Variants in SCN8A observed in about 807,000 individuals in gnomAD.
SCN8A encodes sodium voltage-gated channel alpha subunit 8, also known as sodium channel protein type 8 subunit alpha.
In SCN8A, 30 loss-of-function variants were observed where a neutral mutation model predicts 184.1. The observed-to-expected ratio is 0.16, with a 90% CI of 0.12 to 0.22. The LOEUF (loss-of-function observed/expected upper bound fraction) is 0.22. Ranked by LOEUF, SCN8A falls within the 10% of genes least tolerant of loss-of-function variation. The pLI, the probability that SCN8A is intolerant of heterozygous loss-of-function variation, is 1.00. For synonymous variants in SCN8A, 852 were observed against 907.0 expected, an observed-to-expected ratio of 0.94 and a Z score of 1.09; for missense variants, 1,057 against 2,498.9, an observed-to-expected ratio of 0.42 and a Z score of 12.30.
chr12:51,702,321 CAAAAA>C (rs747855764), intron 8 of SCN8A, among the ~76,000 whole-genome samples: 6 of 76,578 alleles, frequency 7.8e-5, no homozygotes, highest in South Asian at 4.6e-4. Context: ...GACTCTGTAT[CAAAAA>C]AAAAAAAAAA....
At chr12:51,702,693 A>G in intron 8 of SCN8A, 80 bp from the exon 9 acceptor site, 1 of 1,105,038 alleles carries the variant, frequency 9.0e-7, no homozygotes, top group Non-Finnish European at 1.2e-6. Flanking sequence ...AGTAAATAGA[A>G]TTATGTTATT....
intron 26 of SCN8A, among the ~76,000 whole-genome samples, chr12:51,795,219 T>A (rs1938375529): frequency 6.6e-6 from 1 of 152,162 alleles, no homozygotes. Flanking sequence ...CCACAGCCAC[T>A]CGCTAGGAGG....
chr12:51,637,993 A>G (rs1334755645), intron 1 of SCN8A, among the ~76,000 whole-genome samples: 1 of 152,164 alleles, frequency 6.6e-6, no homozygotes, highest in Non-Finnish European at 1.5e-5. Context: ...GCGCTTATTT[A>G]CCATTCTGAA....
At chr12:51,688,965 G>T (rs1444233513) in intron 5 of SCN8A, 40 bp from the exon 6 acceptor site, 2 of 1,590,272 alleles carry the variant, frequency 1.3e-6, no homozygotes. Context: ...TTGTGTCTGT[G>T]TTTGTCACTT....
At chr12:51,633,825 A>C (rs1940253915) in intron 1 of SCN8A, among the ~76,000 whole-genome samples, 1 of 152,196 alleles carries the variant, frequency 6.6e-6, no homozygotes, top group Non-Finnish European at 1.5e-5. Flanking sequence ...TTTGGTGAAA[A>C]TATCTCTGTA....
At chr12:51,707,818 T>G (rs1201740774) in intron 11 of SCN8A, among the ~76,000 whole-genome samples, 1 of 152,230 alleles carries the variant, frequency 6.6e-6, no homozygotes. Context: ...TTGCATTGGC[T>G]CAATAAGCCT....
At chr12:51,662,621 A>G in intron 1 of SCN8A, 143 bp from the exon 2 acceptor site, 1 of 599,586 alleles carries the variant, frequency 1.7e-6, no homozygotes, top group Non-Finnish European at 2.9e-6. Context: ...GATTTCCTGA[A>G]AAGAAAAATA....
chr12:51,657,182 AT>A (rs1940837828), intron 1 of SCN8A, among the ~76,000 whole-genome samples: 1 of 152,016 alleles, frequency 6.6e-6, no homozygotes, highest in Non-Finnish European at 1.5e-5. Context: ...TTTTATTGTT[AT>A]TTTTAATTGG....
intron 1 of SCN8A, among the ~76,000 whole-genome samples, chr12:51,646,406 AACTTG>A (rs1336922245): frequency 2.0e-5 from 3 of 152,254 alleles, no homozygotes. Context: ...ATTCTAGTAA[AACTTG>A]ACTTACAGTG....
intron 6 of SCN8A, 147 bp from the exon 7 acceptor site, chr12:51,699,423 T>G: frequency 1.8e-6 from 1 of 546,148 alleles, no homozygotes. Flanking sequence ...TGCTGACCTA[T>G]TATTATTCTC....
chr12:51,646,317 C>T (rs546869829), intron 1 of SCN8A, among the ~76,000 whole-genome samples: 1 of 152,286 alleles, frequency 6.6e-6, no homozygotes, highest in East Asian at 1.9e-4. Context: ...TTGTGGGCCA[C>T]ACAGCCTTTT....
intron 5 of SCN8A, among the ~76,000 whole-genome samples, chr12:51,688,076 T>TA (rs1941448991): frequency 6.6e-6 from 1 of 152,260 alleles, no homozygotes; most frequent in Admixed American, 6.5e-5. Context: ...CTTTCTGTTA[T>TA]ATAAAGGCAA....
chr12:51,713,633 T>TCTC (rs1308178898), intron 11 of SCN8A: 1 of 612,950 alleles, frequency 1.6e-6, no homozygotes, highest in Non-Finnish European at 2.9e-6. Flanking sequence ...TCTTGAGACA[T>TCTC]CTCCTGCTCA....
At chr12:51,609,809 C>T (rs1289256491) in intron 1 of SCN8A, among the ~76,000 whole-genome samples, 4 of 95,972 alleles carry the variant, frequency 4.2e-5, no homozygotes, top group African/African-American at 1.7e-4. Flanking sequence ...ACACCGGGGC[C>T]TGTTGTGGGG....
At chr12:51,609,913 G>A (rs896273386) in intron 1 of SCN8A, among the ~76,000 whole-genome samples, 3 of 151,636 alleles carry the variant, frequency 2.0e-5, no homozygotes, top group Admixed American at 6.6e-5. Context: ...CATGGCACAT[G>A]TATACATATG....
At chr12:51,649,178 G>T (rs1940655399) in intron 1 of SCN8A, among the ~76,000 whole-genome samples, 1 of 152,224 alleles carries the variant, frequency 6.6e-6, no homozygotes, top group South Asian at 2.1e-4. Context: ...GATGCAATAG[G>T]TGGGTTCCCA....
At chr12:51,644,146 T>C (rs922869631) in intron 1 of SCN8A, among the ~76,000 whole-genome samples, 4 of 152,222 alleles carry the variant, frequency 2.6e-5, no homozygotes, top group Non-Finnish European at 4.4e-5. Flanking sequence ...GCTTAGTCTG[T>C]CAGATTCCAG....
intron 21 of SCN8A, among the ~76,000 whole-genome samples, chr12:51,783,135 C>G (rs1937977345): frequency 6.6e-6 from 1 of 152,156 alleles, no homozygotes. Flanking sequence ...GCTGGTTGGA[C>G]AGGTGAAAAG....
intron 11 of SCN8A, among the ~76,000 whole-genome samples, chr12:51,720,980 G>C (rs997154481): frequency 6.7e-6 from 1 of 150,042 alleles, no homozygotes; most frequent in Admixed American, 6.7e-5. Flanking sequence ...GGCAGGAGAA[G>C]CTCTTGAACC....
Sources: allele counts gnomAD v4.1 joint callset (sites outside exome capture counted in the v4.1 genomes callset), GRCh38; gene constraint gnomAD v4.1.1; transcripts MANE v1.5; gene names NCBI Gene and HGNC (gene_info 2026-07-23, HGNC 2026-07-21).